PML: variants seen among roughly 807,000 people sequenced by gnomAD.
The protein encoded by PML is PML nuclear body scaffold.
A neutral mutation model predicts 65.2 loss-of-function variants in PML; 28 were observed. The observed-to-expected ratio is 0.43, with a 90% CI of 0.32 to 0.59. The LOEUF (loss-of-function observed/expected upper bound fraction) is 0.59. Ranked by LOEUF, PML falls within the 20% of genes least tolerant of loss-of-function variation. The pLI is 0.08. For synonymous variants in PML, 500 were observed against 508.8 expected (o/e 0.98, Z 0.23); for missense variants, 1,021 against 1,203.4 (o/e 0.85, Z 2.24).
intron 7 of PML, among the ~76,000 whole-genome samples, chr15:74,039,674 T>G (rs989470919): frequency 2.0e-5 from 3 of 152,176 alleles, no homozygotes; most frequent in African/African-American, 7.2e-5. Flanking sequence ...CGAATCAGTC[T>G]TGGGTGCAGC....
At chr15:74,000,364 G>A (rs1385619012) in intron 2 of PML, among the ~76,000 whole-genome samples, 1 of 152,054 alleles carries the variant, frequency 6.6e-6, no homozygotes, top group African/African-American at 2.4e-5. Flanking sequence ...GGAGTGCAGT[G>A]CTGCACTCGT....
Position 74,044,134 on chromosome 15 carries a change from G to A in PML, c.1862-87G>A, listed in dbSNP as rs908260792. ...CCCCAAGGTGAGGTCTCTAGATGGT[G>A]AGTCAGCAGCCCTAGAGGACCCCCT... On this transcript the variant is annotated intron_variant, in intron 8 of 8. Transcript: ENST00000268058. The A allele has an allele frequency of 7.2e-5, 95 of 1,317,224 alleles. No homozygotes were observed. The African/African-American group carries it at 1.1e-3, about 15-fold the overall frequency. 81.6% of individuals were successfully genotyped at this position (1,317,224 alleles called of 1,614,324 possible). A position where few individuals can be genotyped will look rare whatever the true frequency, so the allele number is the denominator to read the frequency against.
At chr15:74,007,549 C>T (rs2070121173) in intron 2 of PML, among the ~76,000 whole-genome samples, 1 of 152,242 alleles carries the variant, frequency 6.6e-6, no homozygotes, top group African/African-American at 2.4e-5. Context: ...TAAGAGCTCA[C>T]AACTTTCCTC....
chr15:74,031,754 G>A (rs1211777829), intron 4 of PML, among the ~76,000 whole-genome samples: 1 of 152,214 alleles, frequency 6.6e-6, no homozygotes, highest in Non-Finnish European at 1.5e-5. Flanking sequence ...TTCATTTTGA[G>A]ATAGGTACAT....
At chr15:74,008,423 C>A (rs1218564252) in intron 2 of PML, among the ~76,000 whole-genome samples, 1 of 152,158 alleles carries the variant, frequency 6.6e-6, no homozygotes, top group Non-Finnish European at 1.5e-5. Flanking sequence ...GGAATGGGAC[C>A]CTGTGGAGGG....
intron 4 of PML, among the ~76,000 whole-genome samples, chr15:74,031,076 C>G (rs2071301246): frequency 6.6e-6 from 1 of 151,994 alleles, no homozygotes; most frequent in African/African-American, 2.4e-5. Flanking sequence ...TGCCACCTAT[C>G]TAGCCCCAGA....
intron 2 of PML, among the ~76,000 whole-genome samples, chr15:74,016,492 T>C (rs2070580735): frequency 6.6e-6 from 1 of 152,058 alleles, no homozygotes; most frequent in Non-Finnish European, 1.5e-5. Flanking sequence ...AAGAGCTTTG[T>C]TGTAATACCT....
rs138807296 is a variant in PML at position 74,033,374 on chromosome 15, G to A, written c.1617G>A (p.Leu539=). The change falls in exon 6 of 9, where the codon CTG becomes CTA. Residue 539 remains leucine (L), a synonymous_variant. Transcript: ENST00000268058. ...CCGTCATAGGAAGTGAGGTCTTCCT[G>A]CCCAACAGCAACCACGTGGCCAGTG... The part of the protein sequence containing the change: ...RSPVIGSEVF[L]PNSNHVASGA... The A allele has an allele frequency of 9.9e-6, 16 of 1,613,034 alleles. No homozygotes were observed. Among genetic ancestry groups the A allele is most frequent in the African/African-American group, 1.3e-5 (1 of 74,918 alleles).
chr15:74,035,134 C>G lies in PML; in HGVS notation c.1710+604C>G. On this transcript the variant is annotated intron_variant, in intron 7 of 8. Coordinates refer to ENST00000268058, the MANE Select transcript of PML (RefSeq NM_033238.3). The surrounding 1 kb of genome is among the most constrained non-coding windows in gnomAD (Gnocchi z 4.1). ...GGTTGGACTGGGTGGCCCCTGAGGT[C>G]TCTTCCAGCCCTCAGTCTGAGGTTC... 8.7e-7 allele frequency: 1 copy of G among 1,144,712 alleles called. No homozygotes were observed. The highest frequency in any genetic ancestry group is 1.3e-6 in the Non-Finnish European group (1 of 754,366). 70.9% of individuals were successfully genotyped at this position (1,144,712 alleles called of 1,614,324 possible).
rs1235490733 is a variant in PML at position 74,035,466 on chromosome 15, C to T, written c.1710+936C>T. 4.3e-6 allele frequency: 7 copies of T among 1,612,498 alleles called. No individual in the cohort carries two copies. The highest frequency in any genetic ancestry group is 1.6e-4 in the Middle Eastern group (1 of 6,062). ...CAGAGCACAGAGAGCCATCCGCCTT[C>T]GCCATGCCCTCCGCTTGCACCCTCA... On this transcript the variant is annotated intron_variant, in intron 7 of 8. Coordinates refer to ENST00000268058, the MANE Select transcript of PML (RefSeq NM_033238.3). The surrounding 1 kb of genome is among the most constrained non-coding windows in gnomAD (Gnocchi z 4.1).
chr15:74,023,232 TG>T lies in PML; in HGVS notation c.1008del (p.Met336IlefsTer90). 6.2e-7 allele frequency: 1 copy of T among 1,610,978 alleles called. No homozygotes were observed. Among genetic ancestry groups the T allele is most frequent in the Non-Finnish European group, 8.5e-7 (1 of 1,179,374 alleles). On this transcript the variant is annotated frameshift_variant, in exon 3 of 9. Transcript: ENST00000268058. LOFTEE classifies it high-confidence loss of function. The part of the protein sequence containing the change: ...IRTGSALVQR[M>X]KCYASDQEVL... ...ACGGGCAGCGCGCTGGTGCAGAGGA[TG>T]AAGTGCTACGCCTCGGACCAGGAGG...
intron 7 of PML, among the ~76,000 whole-genome samples, chr15:74,038,742 T>C (rs10851869): frequency 0.45 from 67,974 of 152,016 alleles, 15,436 homozygotes; most frequent in African/African-American, 0.49. Flanking sequence ...TATATCCAGC[T>C]TTGCAGTGAG....
rs774838363 is a variant in PML, at chr15:74,045,054, T to A, written c.*46T>A. On this transcript the variant is annotated 3_prime_UTR_variant, in exon 9 of 9. Transcript: ENST00000268058. ...GGAGTCTCTGGTGGGCAGAGAGGGATGGGGTCCCTGAGCCAGGCCCCACCC... is the reference window on the plus strand; with the variant it reads ...GGAGTCTCTGGTGGGCAGAGAGGGAAGGGGTCCCTGAGCCAGGCCCCACCC... The A allele has an allele frequency of 2.0e-6, 3 of 1,510,744 alleles. No individual in the cohort carries two copies. Among genetic ancestry groups the A allele is most frequent in the Non-Finnish European group, 2.7e-6 (3 of 1,122,822 alleles). The allele number at this position is 1,510,744 out of a possible 1,614,324, so 93.6% of individuals were successfully genotyped here.
At chr15:74,028,950 A>G (rs1186454498) in intron 4 of PML, among the ~76,000 whole-genome samples, 1 of 152,246 alleles carries the variant, frequency 6.6e-6, no homozygotes, top group African/African-American at 2.4e-5. Flanking sequence ...TGAATCTGCT[A>G]CTATGAACAC....
At chr15:74,044,129 A>T in intron 8 of PML, 92 bp from the exon 9 acceptor site, 5 of 1,252,032 alleles carry the variant, frequency 4.0e-6, no homozygotes, top group Non-Finnish European at 5.8e-6. Flanking sequence ...AGGTCTCTAG[A>T]TGGTGAGTCA....
rs933792280 is a variant in PML at position 74,031,180 on chromosome 15, T to G, written c.1255-1392T>G. ...TCTCCTGGCAACCACCAATCTGCTTTCTGTGTCTATGGATTTATCCATTCT... is the reference window on the plus strand; with the variant it reads ...TCTCCTGGCAACCACCAATCTGCTTGCTGTGTCTATGGATTTATCCATTCT... On this transcript the variant is annotated intron_variant, in intron 4 of 8. Transcript: ENST00000268058. 15 of 373,324 alleles carry G rather than the reference T, an allele frequency of 4.0e-5. No individual in the cohort carries two copies. The Admixed American group carries it at 4.0e-4, about 10-fold the overall frequency. 23.1% of individuals were successfully genotyped at this position (373,324 alleles called of 1,614,324 possible).
intron 2 of PML, among the ~76,000 whole-genome samples, chr15:74,020,086 G>T (rs2070766092): frequency 6.6e-6 from 1 of 152,100 alleles, no homozygotes; most frequent in African/African-American, 2.4e-5. Context: ...AATTCTGATG[G>T]GTATTGCCAA....
intron 2 of PML, among the ~76,000 whole-genome samples, chr15:74,009,786 C>G (rs896766068): frequency 1.3e-5 from 2 of 152,090 alleles, no homozygotes; most frequent in African/African-American, 4.8e-5. Flanking sequence ...GTCTCGAACT[C>G]CTGGGCTCCA....
chr15:74,047,075 T>C lies in PML; in HGVS notation c.*2067T>C, dbSNP rs1439621779. ...AGGAAAGAAGCACCGATTTCAAGAA[T>C]TACTTCCTAGAGAAAGTCAGGAACT... On this transcript the variant is annotated 3_prime_UTR_variant, in exon 9 of 9. Transcript: ENST00000268058. 8.7e-6 allele frequency: 2 copies of C among 230,148 alleles called. No individual in the cohort carries two copies. Among genetic ancestry groups the C allele is most frequent in the African/African-American group, 4.4e-5 (2 of 45,168 alleles). The allele number at this position is 230,148 out of a possible 1,614,324, so 14.3% of individuals were successfully genotyped here.
Sources: gnomAD v4.1 joint callset for allele counts (sites outside exome capture counted in the v4.1 genomes callset) on GRCh38, gnomAD v4.1.1 for gene constraint, Gnocchi (gnomAD v3.1) non-coding constraint, MANE v1.5 for transcripts, NCBI Gene and HGNC (gene_info 2026-07-23, HGNC 2026-07-21) for gene names.